The following GRM5 variants were observed in gnomAD, a reference collection of about 807,000 sequenced individuals.
GRM5 encodes the protein glutamate metabotropic receptor 5, also known as metabotropic glutamate receptor 5.
Under a neutral mutation model 83.1 loss-of-function variants are expected in GRM5, and 19 were observed. The ratio of observed to expected loss-of-function variants is 0.23; its 90% CI spans 0.16 to 0.34. The LOEUF is 0.34. Among genes scored for constraint, GRM5 ranks in the 10% least tolerant of loss-of-function variants. The pLI, the probability that GRM5 is intolerant of heterozygous loss-of-function variation, is 1.00. For missense variants in GRM5, 1,160 were observed against 1,588.3 expected (o/e 0.73, Z 4.58); for synonymous variants, 675 against 633.6 (o/e 1.07, Z -0.98).
At chr11:88,809,445 C>T (rs1943552067) in intron 3 of GRM5, among the ~76,000 whole-genome samples, 1 of 151,966 alleles carries the variant, frequency 6.6e-6, no homozygotes, top group Non-Finnish European at 1.5e-5. Context: ...TTCATTTGGT[C>T]ATTTGTTTCC....
At chr11:88,652,781 A>G (rs1432606529) in intron 4 of GRM5, among the ~76,000 whole-genome samples, 2 of 152,088 alleles carry the variant, frequency 1.3e-5, no homozygotes, top group African/African-American at 4.8e-5. Context: ...ACATATATGA[A>G]ACCGTTACTA....
At position 88,829,665 on chromosome 11, in the gene GRM5, T is replaced by C. The variant is rs1347395015; in HGVS notation, c.911+20241A>G. On this transcript the variant is annotated intron_variant, in intron 3 of 9. Coordinates refer to ENST00000305447, the MANE Select transcript of GRM5 (RefSeq NM_001143831.3). ...TTATTTACTAAATCATGCAGGCACA[T>C]CTGATCATCTATCTCAAGGACCTCG... 2.0e-5 allele frequency among the ~76,000 whole-genome samples: 3 copies of C among 152,098 alleles called. No homozygotes were observed. The East Asian group carries it at 5.8e-4, about 29-fold the overall frequency.
At chr11:88,517,061 C>T (rs933983901) in intron 9 of GRM5, among the ~76,000 whole-genome samples, 1 of 151,746 alleles carries the variant, frequency 6.6e-6, no homozygotes, top group Admixed American at 6.6e-5. Flanking sequence ...TAATTGGTTA[C>T]ACAAACATAC....
At chr11:88,992,178 C>G (rs1032296324) in intron 2 of GRM5, among the ~76,000 whole-genome samples, 1 of 152,042 alleles carries the variant, frequency 6.6e-6, no homozygotes, top group African/African-American at 2.4e-5. Context: ...AAGAAAGAAA[C>G]AAACAACTCC....
intron 4 of GRM5, among the ~76,000 whole-genome samples, chr11:88,637,513 T>C (rs1939166011): frequency 6.6e-6 from 1 of 152,052 alleles, no homozygotes; most frequent in East Asian, 1.9e-4. Flanking sequence ...CAGACACTTC[T>C]CAAAAGAAGA....
intron 2 of GRM5, among the ~76,000 whole-genome samples, chr11:88,893,480 CGTCTTA>C (rs963330547): frequency 1.3e-5 from 2 of 151,908 alleles, no homozygotes; most frequent in African/African-American, 4.8e-5. Context: ...AGTTTAAGCA[CGTCTTA>C]GATGGTCTGT....
intron 7 of GRM5, among the ~76,000 whole-genome samples, chr11:88,587,894 G>A (rs1270496791): frequency 6.6e-6 from 1 of 151,994 alleles, no homozygotes; most frequent in Non-Finnish European, 1.5e-5. Context: ...GTTTCTTTGT[G>A]TTTTCCTTTC....
intron 9 of GRM5, chr11:88,511,956 T>G (rs1187297717): frequency 6.6e-6 from 1 of 152,232 alleles, no homozygotes; most frequent in East Asian, 1.9e-4. Flanking sequence ...CTAATTGGAT[T>G]TATTCCACCA....
chr11:88,647,115 G>A (rs1939480861), intron 4 of GRM5, among the ~76,000 whole-genome samples: 1 of 151,990 alleles, frequency 6.6e-6, no homozygotes, highest in Non-Finnish European at 1.5e-5. Flanking sequence ...ATCCCATGGT[G>A]TCCTCCTTGT....
intron 2 of GRM5, among the ~76,000 whole-genome samples, chr11:89,032,365 A>G (rs2135126596): frequency 1.3e-5 from 2 of 152,236 alleles, no homozygotes; most frequent in East Asian, 1.9e-4. Context: ...ATTATAATAG[A>G]ACATACATTT....
chr11:88,968,655 G>A (rs971048126), intron 2 of GRM5, among the ~76,000 whole-genome samples: 1 of 152,076 alleles, frequency 6.6e-6, no homozygotes, highest in Non-Finnish European at 1.5e-5. Context: ...CAGCCTGGGA[G>A]ACAGAGTAAG....
intron 2 of GRM5, among the ~76,000 whole-genome samples, chr11:88,988,818 T>A (rs1939845073): frequency 7.1e-6 from 1 of 140,352 alleles, no homozygotes; most frequent in Non-Finnish European, 1.6e-5. Flanking sequence ...GCTGAGAGAC[T>A]TTGTCACCAC....
chr11:88,915,045 A>C (rs1234161937), intron 2 of GRM5, among the ~76,000 whole-genome samples: 1 of 152,192 alleles, frequency 6.6e-6, no homozygotes, highest in East Asian at 1.9e-4. Flanking sequence ...TTACAAAAAC[A>C]AAAAGGTCAC....
intron 2 of GRM5, among the ~76,000 whole-genome samples, chr11:88,993,854 T>C (rs1591030175): frequency 6.6e-6 from 1 of 152,108 alleles, no homozygotes; most frequent in East Asian, 1.9e-4. Context: ...CCTGAGTACG[T>C]GGAATGACAG....
intron 3 of GRM5, among the ~76,000 whole-genome samples, chr11:88,768,457 A>G (rs545742263): frequency 6.6e-6 from 1 of 152,024 alleles, no homozygotes; most frequent in South Asian, 2.1e-4. Flanking sequence ...GAGAATGGAT[A>G]GTTACTGTTT....
chr11:88,982,837 C>T (rs1235980070), intron 2 of GRM5, among the ~76,000 whole-genome samples: 3 of 152,036 alleles, frequency 2.0e-5, no homozygotes, highest in Admixed American at 6.6e-5. Flanking sequence ...GAGGCCGAAG[C>T]GAGTGGATCT....
chr11:88,842,782 C>T (rs1267016254), intron 3 of GRM5, among the ~76,000 whole-genome samples: 5 of 152,070 alleles, frequency 3.3e-5, no homozygotes, highest in African/African-American at 4.8e-5. Flanking sequence ...CCTTGATTTG[C>T]TATTATCCTG....
At chr11:88,591,263 T>C (rs1440158770) in intron 6 of GRM5, among the ~76,000 whole-genome samples, 1 of 152,230 alleles carries the variant, frequency 6.6e-6, no homozygotes, top group African/African-American at 2.4e-5. Flanking sequence ...TTCCTGGAGA[T>C]GATCTCTTGA....
In GRM5 at chr11:89,018,493, A is replaced by C. The variant is rs758031875; in HGVS notation, c.661+28719T>G. Among the ~76,000 whole-genome samples, 6 of 152,180 alleles carry C rather than the reference A, an allele frequency of 3.9e-5. No individual in the cohort carries two copies. The South Asian group carries it at 1.0e-3, about 26-fold the overall frequency. On this transcript the variant is annotated intron_variant, in intron 2 of 9. Coordinates refer to ENST00000305447, the MANE Select transcript of GRM5 (RefSeq NM_001143831.3). ...ATTAAAAAATGCATTTATTTGTTCT[A>C]ACATTGATTTATTCAATATTTTTAA... is the stretch of plus-strand genomic sequence containing the variant.
Sources: gnomAD v4.1 joint callset for allele counts (sites outside exome capture counted in the v4.1 genomes callset) on GRCh38, gnomAD v4.1.1 for gene constraint, MANE v1.5 for transcripts, NCBI Gene and HGNC (gene_info 2026-07-23, HGNC 2026-07-21) for gene names.